The following ENTPD7 variants were observed in gnomAD, a reference collection of about 807,000 sequenced individuals.
ENTPD7 encodes NTPDase 7.
In ENTPD7, 53 loss-of-function variants were observed where a neutral mutation model predicts 77.9. The observed-to-expected ratio is 0.68, with a 90% CI of 0.55 to 0.85. The LOEUF is 0.85. Ranked by LOEUF, ENTPD7 falls within the 40% of genes least tolerant of loss-of-function variation. The probability of loss-of-function intolerance (pLI) is 0.00; values close to 1 mark genes in which losing one functional copy is unlikely to be tolerated. For missense variants in ENTPD7, 636 were observed against 743.7 expected (o/e 0.86, Z 1.68); for synonymous variants, 248 against 274.9 (o/e 0.90, Z 0.97).
At chr10:99,692,582 A>T (rs144310956) in intron 8 of ENTPD7, among the ~76,000 whole-genome samples, 46 of 148,118 alleles carry the variant, frequency 3.1e-4, no homozygotes, top group African/African-American at 1.1e-3. Context: ...GCATGGAGGG[A>T]ACACTATATA....
At position 99,699,856 on chromosome 10, in the gene ENTPD7, G is replaced by A. The variant is rs950702374; in HGVS notation, c.1335+998G>A. Among the ~76,000 whole-genome samples the A allele has an allele frequency of 3.3e-5, 5 of 152,090 alleles. No individual in the cohort carries two copies. In the South Asian group the frequency reaches 8.3e-4, roughly 25 times the overall value. ...GCTGAGATTACAGGCGTGAGTCACC[G>A]TACCCAGCCTCTCCTCATATTTCCC... On this transcript the variant is annotated intron_variant, in intron 10 of 12. Coordinates refer to ENST00000370489, the MANE Select transcript of ENTPD7 (RefSeq NM_020354.5).
At chr10:99,695,837 T>C (rs1590054091) in intron 8 of ENTPD7, 119 bp from the exon 9 acceptor site, 1 of 898,120 alleles carries the variant, frequency 1.1e-6, no homozygotes, top group East Asian at 2.8e-5. Flanking sequence ...GATGAAAGAA[T>C]GCTTAAGATG....
At chr10:99,675,722 G>A (rs951984102) in intron 3 of ENTPD7, among the ~76,000 whole-genome samples, 15 of 149,916 alleles carry the variant, frequency 1.0e-4, no homozygotes, top group African/African-American at 1.5e-4. Flanking sequence ...TCAGCCTCCC[G>A]AGTAGCTGGG....
At chr10:99,696,203 A>T (rs1433339709) in intron 9 of ENTPD7, 81 bp downstream of exon 9, 3 of 1,501,906 alleles carry the variant, frequency 2.0e-6, no homozygotes, top group Non-Finnish European at 2.7e-6. Flanking sequence ...CATCCTCCTA[A>T]GACAGATAAG....
In ENTPD7 at chr10:99,701,869, G is replaced by A. The variant is rs1050920812; in HGVS notation, c.1422-643G>A. 1.5e-4 allele frequency among the ~76,000 whole-genome samples: 23 copies of A among 151,852 alleles called. No individual in the cohort carries two copies. In the East Asian group the frequency reaches 2.6e-3, roughly 17 times the overall value. ...TCAAGACCAGCCTGGCTAACATGGC[G>A]AAACCCTGTCTCCACTAAAAATACA... On this transcript the variant is annotated intron_variant, in intron 11 of 12. Transcript: ENST00000370489.
intron 6 of ENTPD7, 80 bp from the exon 7 acceptor site, chr10:99,688,614 A>C (rs2035842554): frequency 7.8e-7 from 1 of 1,289,686 alleles, no homozygotes; most frequent in Non-Finnish European, 1.1e-6. Flanking sequence ...GAAAAAGAGG[A>C]AAGAGAAGCC....
At chr10:99,695,857 G>C (rs1317192182) in intron 8 of ENTPD7, 99 bp from the exon 9 acceptor site, 2 of 1,090,792 alleles carry the variant, frequency 1.8e-6, no homozygotes, top group Non-Finnish European at 2.6e-6. Context: ...GTTTTAAAGA[G>C]TAGTCATAGA....
At position 99,659,961 on chromosome 10, in the gene ENTPD7, C is replaced by G; in HGVS notation, c.5C>G (p.Ala2Gly). 1 of 1,613,972 alleles carries G rather than the reference C, an allele frequency of 6.2e-7. No homozygotes were observed. Among genetic ancestry groups the G allele is most frequent in the Non-Finnish European group, 8.5e-7 (1 of 1,179,982 alleles). The change falls in exon 2 of 13, where the codon GCT becomes GGT. Residue 2 changes from alanine to glycine, a missense_variant. Ala to Gly is a moderately conservative substitution (Grantham distance 60, BLOSUM62 0). Around this residue, in one of 3 missense-constraint regions of ENTPD7, gnomAD observed 486 missense variants for 556.5 expected, o/e 0.87. Coordinates refer to ENST00000370489, the MANE Select transcript of ENTPD7 (RefSeq NM_020354.5). This position sits in a 1 kb window ranked among gnomAD's most constrained non-coding sequence, Gnocchi z 4.1. ...TGAGACCACCGAAGGGAACCCATGG[C>G]TAGGTAAGGCTGCACACTTTCCCTC... MARISFSYLCPA... is the reference protein window; with the variant it reads MGRISFSYLCPA...
chr10:99,699,313 G>A (rs147448227), intron 10 of ENTPD7, among the ~76,000 whole-genome samples: 1 of 152,266 alleles, frequency 6.6e-6, no homozygotes, highest in African/African-American at 2.4e-5. Context: ...AGTGGTATGG[G>A]GTCCCTGGGA....
intron 11 of ENTPD7, 39 bp from the exon 12 acceptor site, chr10:99,702,473 T>C: frequency 6.7e-7 from 1 of 1,493,992 alleles, no homozygotes; most frequent in Non-Finnish European, 8.9e-7. Flanking sequence ...TTAGAATTCT[T>C]TTCTCTTTTT....
Position 99,695,984 on chromosome 10 carries a change from A to G in ENTPD7, c.872A>G (p.Glu291Gly). 6.2e-7 allele frequency: 1 copy of G among 1,613,754 alleles called. No homozygotes were observed. The highest frequency in any genetic ancestry group is 1.1e-5 in the South Asian group (1 of 91,006). The change falls in exon 9 of 13, where the codon GAG (glutamate) becomes GGG (glycine). Residue 291 changes from glutamate (E) to glycine (G), a missense_variant. Physicochemically the swap from Glu to Gly is moderately conservative, Grantham distance 98. This residue lies in a region of ENTPD7 where 486 missense variants were observed against 556.5 expected (regional missense o/e 0.87). Transcript: ENST00000370489. ...QEEAAKILLA[E>G]FNLGCDVQHT... ...GAAGCTGCCAAGATCCTGCTGGCTG[A>G]GTTCAACCTGGGCTGTGATGTGCAA... is the stretch of plus-strand genomic sequence containing the variant.
chr10:99,672,614 G>T (rs960555747), intron 3 of ENTPD7, among the ~76,000 whole-genome samples: 1 of 152,100 alleles, frequency 6.6e-6, no homozygotes, highest in Admixed American at 6.6e-5. Context: ...CCATTTATTT[G>T]ATCTTAATGG....
At chr10:99,660,532 A>ACG (rs2035467841) in intron 2 of ENTPD7, 1 of 78,538 alleles carries the variant, frequency 1.3e-5, no homozygotes, top group Admixed American at 1.3e-4. Context: ...ATACGCACAC[A>ACG]CACACACACA....
Position 99,702,493 on chromosome 10 carries a change from A to G in ENTPD7, c.1422-19A>G. On this transcript the variant is annotated intron_variant, in intron 11 of 12. Coordinates refer to ENST00000370489, the MANE Select transcript of ENTPD7 (RefSeq NM_020354.5). The stretch of plus-strand genomic sequence containing the variant: ...ATTCTTTTCTCTTTTTTTAAAATTT[A>G]ATTATTTTTGTCACACAGATATCAG... The G allele has an allele frequency of 6.6e-7, 1 of 1,511,900 alleles. No homozygotes were observed. The highest frequency in any genetic ancestry group is 8.8e-7 in the Non-Finnish European group (1 of 1,131,604). The allele number at this position is 1,511,900 out of a possible 1,614,324, so 93.7% of individuals were successfully genotyped here. A position where few individuals can be genotyped will look rare whatever the true frequency, so the allele number is the denominator to read the frequency against.
chr10:99,683,291 T>G (rs1298319801), intron 5 of ENTPD7, among the ~76,000 whole-genome samples: 1 of 152,224 alleles, frequency 6.6e-6, no homozygotes, highest in Non-Finnish European at 1.5e-5. Flanking sequence ...TTATTAGCAT[T>G]TGTAAGCAGA....
At chr10:99,660,706 C>G (rs1473610157) in intron 2 of ENTPD7, among the ~76,000 whole-genome samples, 1 of 152,190 alleles carries the variant, frequency 6.6e-6, no homozygotes, top group African/African-American at 2.4e-5. Context: ...AGGCAGATCA[C>G]CTGAGGTCAG....
intron 8 of ENTPD7, among the ~76,000 whole-genome samples, chr10:99,694,596 G>C (rs1217256565): frequency 6.7e-6 from 1 of 150,054 alleles, no homozygotes; most frequent in Admixed American, 6.7e-5. Context: ...GAGTGCCATG[G>C]CACGATCTCG....
chr10:99,685,372 A>T (rs2035798808), intron 5 of ENTPD7, among the ~76,000 whole-genome samples: 1 of 152,194 alleles, frequency 6.6e-6, no homozygotes, highest in African/African-American at 2.4e-5. Flanking sequence ...AGATTTGAGG[A>T]TGAGATTGTG....
chr10:99,661,937 C>T (rs888609750), intron 3 of ENTPD7, among the ~76,000 whole-genome samples: 1 of 152,118 alleles, frequency 6.6e-6, no homozygotes, highest in Non-Finnish European at 1.5e-5. Flanking sequence ...AAATGATTTT[C>T]TTTATCCTTG....
Sources: allele counts gnomAD v4.1 joint callset (sites outside exome capture counted in the v4.1 genomes callset), GRCh38; gene constraint gnomAD v4.1.1; regional missense constraint gnomAD v4.1.1; non-coding constraint Gnocchi (gnomAD v3.1); transcripts MANE v1.5; gene names NCBI Gene and HGNC (gene_info 2026-07-23, HGNC 2026-07-21).